Variants in PHACTR2 observed in about 807,000 individuals in gnomAD.
PHACTR2 encodes phosphatase and actin regulator 2.
A neutral mutation model predicts 76.0 loss-of-function variants in PHACTR2; 30 were observed. The observed-to-expected ratio is 0.39, with a 90% CI of 0.30 to 0.54. PHACTR2 has a LOEUF of 0.54. Among genes scored for constraint, PHACTR2 ranks in the 20% least tolerant of loss-of-function variants. PHACTR2 has a pLI of 0.61. For missense variants in PHACTR2, 696 were observed against 781.1 expected, an observed-to-expected ratio of 0.89 and a Z score of 1.30; for synonymous variants, 292 against 292.5, an observed-to-expected ratio of 1.00 and a Z score of 0.02.
At chr6:143,569,627 CTGGTGGTATGTAGG>C (rs1417036138) in intron 1 of PHACTR2, among the ~76,000 whole-genome samples, 1 of 152,122 alleles carries the variant, frequency 6.6e-6, no homozygotes, top group African/African-American at 2.4e-5. Context: ...CTACATACCA[CTGGTGGTATGTAGG>C]ATATTTTTAT....
At position 143,640,487 on chromosome 6, in the gene PHACTR2, A is replaced by G. The variant is rs1776545844; in HGVS notation, c.13+32165A>G. ...TAGCTAGATGCGTTTATGGAAGTGC[A>G]GAGATGGAGGAGAAGTGAGCCAGGA... is the stretch of plus-strand genomic sequence containing the variant. On this transcript the variant is annotated intron_variant, in intron 1 of 11. Coordinates refer to the PHACTR2 transcript ENST00000305766. Among the ~76,000 whole-genome samples the G allele has an allele frequency of 2.0e-5, 3 of 152,160 alleles. No individual in the cohort carries two copies. In the South Asian group the frequency reaches 6.2e-4, roughly 32 times the overall value.
rs763722146 is a variant in PHACTR2, at chr6:143,816,446, A to G, written c.1923-7228A>G. ...CAGATTGGATAGAGCAGGAAAATAT[A>G]TGGCTTTTGTTTTCCTTCTGGTTGT... is the stretch of plus-strand genomic sequence containing the variant. On this transcript the variant is annotated intron_variant, in intron 12 of 12. Coordinates refer to ENST00000440869, the MANE Select transcript of PHACTR2 (RefSeq NM_001100164.2). This position sits in a 1 kb window ranked among gnomAD's most constrained non-coding sequence, Gnocchi z 4.5. 2.0e-5 allele frequency among the ~76,000 whole-genome samples: 3 copies of G among 152,172 alleles called. No individual in the cohort carries two copies. The highest frequency in any genetic ancestry group is 4.4e-5 in the Non-Finnish European group (3 of 68,026).
rs532479235 is a variant in PHACTR2, at chr6:143,553,492, C to T, written c.217+16285C>T. 1.1e-4 allele frequency among the ~76,000 whole-genome samples: 16 copies of T among 152,180 alleles called. No homozygotes were observed. Among genetic ancestry groups the T allele is most frequent in the Non-Finnish European group, 2.4e-4 (16 of 68,042 alleles). ...GGTGCTTATGGAAGTCAGGCTCCCA[C>T]CCTCCCACAGAGGCTGGAGACAGGA... On this transcript the variant is annotated intron_variant, in intron 1 of 11. Transcript: ENST00000367584. This position sits in a 1 kb window ranked among gnomAD's most constrained non-coding sequence, Gnocchi z 4.2.
rs995123901 is a variant in PHACTR2 at position 143,596,270 on chromosome 6, C to CT, written c.217+59068dup. Among the ~76,000 whole-genome samples the CT allele has an allele frequency of 3.3e-5, 5 of 151,978 alleles. No individual in the cohort carries two copies. Among genetic ancestry groups the CT allele is most frequent in the African/African-American group, 1.2e-4 (5 of 41,376 alleles). The stretch of plus-strand genomic sequence containing the variant: ...ATTCCTCTAGGTCTTCATTTGGTGT[C>CT]TTTTTAGCGTATGTTCTGTTTTCCA... On this transcript the variant is annotated intron_variant, in intron 1 of 11. Transcript: ENST00000367584. The surrounding 1 kb of genome is among the most constrained non-coding windows in gnomAD (Gnocchi z 4.6).
rs1228028611 is a variant in PHACTR2, at chr6:143,827,052, C to T, written c.*3363C>T. ...AATTCAATACACCCTTCAAAAGTCA[C>T]CAAATACTGAAAATAAGAGATGAGT... On this transcript the variant is annotated 3_prime_UTR_variant, in exon 13 of 13. Transcript: ENST00000440869. 1 of 149,774 alleles carries T rather than the reference C, an allele frequency of 6.7e-6. No individual in the cohort carries two copies. The highest frequency in any genetic ancestry group is 2.1e-4 in the South Asian group (1 of 4,750). The allele number at this position is 149,774 out of a possible 1,614,324, so 9.3% of individuals were successfully genotyped here.
intron 1 of PHACTR2, among the ~76,000 whole-genome samples, chr6:143,699,862 G>A (rs1777861978): frequency 6.6e-6 from 1 of 152,184 alleles, no homozygotes; most frequent in Non-Finnish European, 1.5e-5. Flanking sequence ...TGAGCTATAA[G>A]GACGTAAATC....
chr6:143,662,136 G>A lies in PHACTR2; in HGVS notation c.14-49880G>A, dbSNP rs538816609. ...AGCTCCCATCTTTATCACCTGTTTG[G>A]AGAATGTGTCAACATTCCCTAATTG... On this transcript the variant is annotated intron_variant, in intron 1 of 11. Coordinates refer to the PHACTR2 transcript ENST00000305766. This position sits in a 1 kb window ranked among gnomAD's most constrained non-coding sequence, Gnocchi z 4.7. Among the ~76,000 whole-genome samples, 1 of 152,196 alleles carries A rather than the reference G, an allele frequency of 6.6e-6. No individual in the cohort carries two copies. Among genetic ancestry groups the A allele is most frequent in the South Asian group, 2.1e-4 (1 of 4,822 alleles).
At position 143,739,277 on chromosome 6, in the gene PHACTR2, A is replaced by G. The variant is rs1398887947; in HGVS notation, c.215-9708A>G. On this transcript the variant is annotated intron_variant, in intron 2 of 12. Transcript: ENST00000440869. The surrounding 1 kb of genome is among the most constrained non-coding windows in gnomAD (Gnocchi z 4.3). ...ACAGGGTTTCACCATGTTAGCCAGG[A>G]TGGTCTCGATCTGCTGACCTCATGA... 3.9e-5 allele frequency among the ~76,000 whole-genome samples: 6 copies of G among 152,020 alleles called. No individual in the cohort carries two copies. The highest frequency in any genetic ancestry group is 7.3e-5 in the African/African-American group (3 of 41,372).
chr6:143,658,359 A>G lies in PHACTR2; in HGVS notation c.13+50037A>G, dbSNP rs1406171293. On this transcript the variant is annotated intron_variant, in intron 1 of 11. Coordinates refer to the PHACTR2 transcript ENST00000305766. The surrounding 1 kb of genome is among the most constrained non-coding windows in gnomAD (Gnocchi z 4.1). ...CCTGAAGTTGACCTCCTTAATGATA[A>G]GGTTCTCCTGTGCAGTATTTGAAAA... 6.6e-6 allele frequency among the ~76,000 whole-genome samples: 1 copy of G among 152,340 alleles called. No individual in the cohort carries two copies. The highest frequency in any genetic ancestry group is 1.9e-4 in the East Asian group (1 of 5,186).
rs1357551045 is a variant in PHACTR2 at position 143,546,930 on chromosome 6, A to G, written c.217+9723A>G. Among the ~76,000 whole-genome samples the G allele has an allele frequency of 6.6e-6, 1 of 152,036 alleles. No individual in the cohort carries two copies. The highest frequency in any genetic ancestry group is 6.6e-5 in the Admixed American group (1 of 15,264). On this transcript the variant is annotated intron_variant, in intron 1 of 11. Transcript: ENST00000367584. The surrounding 1 kb of genome is among the most constrained non-coding windows in gnomAD (Gnocchi z 4.9). ...TGCGCACCTGTAGTCCTTGCTACTCAGGAGGCTGAAGTGGAAAGATTGCTT... is the reference window on the plus strand; with the variant it reads ...TGCGCACCTGTAGTCCTTGCTACTCGGGAGGCTGAAGTGGAAAGATTGCTT...
In PHACTR2 at chr6:143,776,261, TGTG is replaced by T. The variant is rs368958853; in HGVS notation, c.1590-1063_1590-1061del. 2.6e-5 allele frequency among the ~76,000 whole-genome samples: 4 copies of T among 152,284 alleles called. No individual in the cohort carries two copies. The highest frequency in any genetic ancestry group is 6.5e-5 in the Admixed American group (1 of 15,294). ...TGCTAAAAGTCTGGTCACAATTATT[TGTG>T]GTGAAGAAAAGGTATAAATTGTAGG... On this transcript the variant is annotated intron_variant, in intron 8 of 12. Transcript: ENST00000440869. This position sits in a 1 kb window ranked among gnomAD's most constrained non-coding sequence, Gnocchi z 5.3.
intron 1 of PHACTR2, among the ~76,000 whole-genome samples, chr6:143,628,076 A>T (rs1776291053): frequency 6.6e-6 from 1 of 152,162 alleles, no homozygotes; most frequent in South Asian, 2.1e-4. Context: ...TTCAAATTGA[A>T]CCTAATGTTT....
At position 143,828,657 on chromosome 6, in the gene PHACTR2, T is replaced by C. The variant is rs1776595649; in HGVS notation, c.*4968T>C. 6.6e-6 allele frequency: 1 copy of C among 152,178 alleles called. No homozygotes were observed. Among genetic ancestry groups the C allele is most frequent in the Non-Finnish European group, 1.5e-5 (1 of 68,038 alleles). 9.4% of individuals were successfully genotyped at this position (152,178 alleles called of 1,614,324 possible). On this transcript the variant is annotated 3_prime_UTR_variant, in exon 13 of 13. Transcript: ENST00000440869. This position sits in a 1 kb window ranked among gnomAD's most constrained non-coding sequence, Gnocchi z 4.7. Reference sequence around the variant, plus strand: ...TTTACTGCACACACAAAAAATGTCATTTAGCTTGTCACATTGCTAGCACAG... The same window carrying C: ...TTTACTGCACACACAAAAAATGTCACTTAGCTTGTCACATTGCTAGCACAG...
At chr6:143,745,552 C>T (rs1779041131) in intron 2 of PHACTR2, among the ~76,000 whole-genome samples, 2 of 152,240 alleles carry the variant, frequency 1.3e-5, no homozygotes, top group African/African-American at 4.8e-5. Flanking sequence ...CAAACCCCCT[C>T]TGAGCCCATG....
At position 143,757,934 on chromosome 6, in the gene PHACTR2, C is replaced by T. The variant is rs991818483; in HGVS notation, c.455-2467C>T. 2.7e-5 allele frequency among the ~76,000 whole-genome samples: 4 copies of T among 147,740 alleles called. No homozygotes were observed. Among genetic ancestry groups the T allele is most frequent in the Admixed American group, 2.1e-4 (3 of 14,610 alleles). On this transcript the variant is annotated intron_variant, in intron 4 of 12. Transcript: ENST00000440869. The surrounding 1 kb of genome is among the most constrained non-coding windows in gnomAD (Gnocchi z 4.2). ...TATACTATTTGCATACTCATATGTC[C>T]CTGCGTGTGTGTGCATGCACACGTG...
In PHACTR2 at chr6:143,571,219, T is replaced by C. The variant is rs1775443560; in HGVS notation, c.217+34012T>C. On this transcript the variant is annotated intron_variant, in intron 1 of 11. Coordinates refer to the PHACTR2 transcript ENST00000367584. This position sits in a 1 kb window ranked among gnomAD's most constrained non-coding sequence, Gnocchi z 4.6. ...CAATTATCCCACTAACAATTATCATTGTTAGTAACAATTATCATTGCGGTG... is the reference window on the plus strand; with the variant it reads ...CAATTATCCCACTAACAATTATCATCGTTAGTAACAATTATCATTGCGGTG... Among the ~76,000 whole-genome samples, 1 of 152,200 alleles carries C rather than the reference T, an allele frequency of 6.6e-6. No individual in the cohort carries two copies. The highest frequency in any genetic ancestry group is 1.5e-5 in the Non-Finnish European group (1 of 68,026).
At position 143,783,325 on chromosome 6, in the gene PHACTR2, T is replaced by C. The variant is rs1230895649; in HGVS notation, c.1707+45T>C. On this transcript the variant is annotated intron_variant, in intron 10 of 12. Transcript: ENST00000440869. The surrounding 1 kb of genome is among the most constrained non-coding windows in gnomAD (Gnocchi z 5.2). The stretch of plus-strand genomic sequence containing the variant: ...TAATGAGCATATGTGTTTTGAGATA[T>C]ACTTTTAAAAAAAAATACTAATCCT... 2 of 1,147,566 alleles carry C rather than the reference T, an allele frequency of 1.7e-6. No homozygotes were observed. The highest frequency in any genetic ancestry group is 2.6e-6 in the Non-Finnish European group (2 of 768,204). The allele number at this position is 1,147,566 out of a possible 1,614,324, so 71.1% of individuals were successfully genotyped here.
intron 6 of PHACTR2, among the ~76,000 whole-genome samples, chr6:143,771,608 T>G (rs1460144806): frequency 6.6e-6 from 1 of 151,686 alleles, no homozygotes; most frequent in African/African-American, 2.4e-5. Context: ...GGCTAATATT[T>G]TGTATTTTTA....
In PHACTR2 at chr6:143,750,570, A is replaced by C. The variant is rs190348284; in HGVS notation, c.295+1505A>C. 6.6e-6 allele frequency among the ~76,000 whole-genome samples: 1 copy of C among 152,344 alleles called. No homozygotes were observed. Among genetic ancestry groups the C allele is most frequent in the East Asian group, 1.9e-4 (1 of 5,192 alleles). On this transcript the variant is annotated intron_variant, in intron 3 of 12. Coordinates refer to ENST00000440869, the MANE Select transcript of PHACTR2 (RefSeq NM_001100164.2). This position sits in a 1 kb window ranked among gnomAD's most constrained non-coding sequence, Gnocchi z 4.6. Reference sequence around the variant, plus strand: ...GAAACTGTTAATGGGTTTAAATGTGAAGATTAAAAGCCCATCTTTTTTTCC... The same window carrying C: ...GAAACTGTTAATGGGTTTAAATGTGCAGATTAAAAGCCCATCTTTTTTTCC...
Sources: allele counts gnomAD v4.1 joint callset (sites outside exome capture counted in the v4.1 genomes callset), GRCh38; gene constraint gnomAD v4.1.1; non-coding constraint Gnocchi (gnomAD v3.1); transcripts MANE v1.5; gene names NCBI Gene and HGNC (gene_info 2026-07-23, HGNC 2026-07-21).